The following DAP3 variants were observed in gnomAD, a reference collection of about 807,000 sequenced individuals.
The protein encoded by DAP3 is small ribosomal subunit protein mS29.
Under a neutral mutation model 51.9 loss-of-function variants are expected in DAP3, and 28 were observed. The observed-to-expected ratio is 0.54, with a 90% confidence interval of 0.40 to 0.74. The LOEUF is 0.74. DAP3 is among the 30% of genes least tolerant of loss of function. DAP3 has a pLI of 0.00. For synonymous variants in DAP3, 170 were observed against 170.3 expected (o/e 1.00, Z 0.01); for missense variants, 458 against 483.5 (o/e 0.95, Z 0.49).
At chr1:155,719,034 C>T (rs1240645247) in intron 3 of DAP3, among the ~76,000 whole-genome samples, 1 of 152,098 alleles carries the variant, frequency 6.6e-6, no homozygotes, top group Non-Finnish European at 1.5e-5. Context: ...CAATTGGCTT[C>T]ATTATTTGGG....
chr1:155,729,149 A>T (rs201265692), intron 8 of DAP3, 27 bp downstream of exon 8: 18 of 1,614,062 alleles, frequency 1.1e-5, no homozygotes, highest in Middle Eastern at 1.6e-4. Flanking sequence ...TGAATGTGTA[A>T]CATGCGATAA....
In DAP3 at chr1:155,721,625, A is replaced by G; in HGVS notation, c.270+7A>G. 1.2e-6 allele frequency: 2 copies of G among 1,613,986 alleles called. No homozygotes were observed. Among genetic ancestry groups the G allele is most frequent in the Non-Finnish European group, 1.7e-6 (2 of 1,179,918 alleles). On this transcript the variant is annotated splice_region_variant and intron_variant, in intron 4 of 12. Transcript: ENST00000368336. ...TCCTCGCTTTGTGATGCAGGTGCTCAAGACAGGGAATGGAATTGGAGGGAG... is the reference window on the plus strand; with the variant it reads ...TCCTCGCTTTGTGATGCAGGTGCTCGAGACAGGGAATGGAATTGGAGGGAG...
rs1359331453 is a variant in DAP3, at chr1:155,689,109, C to CT, written c.-70dup. 1 of 1,234,930 alleles carries CT rather than the reference C, an allele frequency of 8.1e-7. No homozygotes were observed. The highest frequency in any genetic ancestry group is 1.1e-6 in the Non-Finnish European group (1 of 878,616). 76.5% of individuals were successfully genotyped at this position (1,234,930 alleles called of 1,614,324 possible). A position where few individuals can be genotyped will look rare whatever the true frequency, so the allele number is the denominator to read the frequency against. ...CTTTTTTGCAGTCTCAGGACGGGCG[C>CT]TTTGGAGCCGGCCCCAGGCAGCGTG... On this transcript the variant is annotated 5_prime_UTR_variant, in exon 1 of 13. Coordinates refer to ENST00000368336, the MANE Select transcript of DAP3 (RefSeq NM_004632.4).
In DAP3 at chr1:155,725,424, G is replaced by A. The variant is rs1658460851; in HGVS notation, c.313G>A (p.Ala105Thr). 1.9e-6 allele frequency: 3 copies of A among 1,614,046 alleles called. No homozygotes were observed. The highest frequency in any genetic ancestry group is 2.2e-5 in the East Asian group (1 of 44,888). The stretch of plus-strand genomic sequence containing the variant: ...AGCTTGCCTGATGGTAAGGAAACCA[G>A]CCCTAGAACTTCTGCATTACCTGAA... The part of the protein sequence containing the change: ...SEACLMVRKP[A>T]LELLHYLKNT... Residue 105 changes from alanine (A) to threonine (T), a missense_variant, in exon 5 of 13, where the codon GCC becomes ACC. Transcript: ENST00000368336.
rs532334569 is a variant in DAP3, at chr1:155,717,152, G to T, written c.168+24G>T. 1.1e-5 allele frequency: 18 copies of T among 1,606,866 alleles called. No homozygotes were observed. The East Asian group carries it at 3.1e-4, about 28-fold the overall frequency. On this transcript the variant is annotated intron_variant, in intron 3 of 12. Transcript: ENST00000368336. Reference sequence around the variant, plus strand: ...CGGTGAGTTACTAATATGTATATGGGGTTTCTCAGGGCTTATGATTTGTGT... The same window carrying T: ...CGGTGAGTTACTAATATGTATATGGTGTTTCTCAGGGCTTATGATTTGTGT...
intron 3 of DAP3, 109 bp from the exon 4 acceptor site, chr1:155,721,408 A>G (rs975242710): frequency 1.7e-5 from 9 of 516,928 alleles, no homozygotes; most frequent in Non-Finnish European, 2.0e-5. Flanking sequence ...ATGTATATAT[A>G]TATATATATA....
At chr1:155,692,938 G>C (rs919958631) in intron 1 of DAP3, among the ~76,000 whole-genome samples, 3 of 141,984 alleles carry the variant, frequency 2.1e-5, no homozygotes, top group Non-Finnish European at 4.4e-5. Context: ...ATATTCTGCA[G>C]TTTGAACAGA....
Position 155,727,598 on chromosome 1 carries a change from T to G in DAP3, c.473-10T>G. On this transcript the variant is annotated splice_polypyrimidine_tract_variant and intron_variant, in intron 6 of 12. Transcript: ENST00000368336. ...CCTGGCTTGTTTTCTTCTGCCTCTT[T>G]TTTTTAAAGCTCATCTTTGGGTGAA... The G allele has an allele frequency of 6.2e-7, 1 of 1,609,754 alleles. No homozygotes were observed. Among genetic ancestry groups the G allele is most frequent in the Non-Finnish European group, 8.5e-7 (1 of 1,178,294 alleles).
chr1:155,727,830 G>A (rs1658780159), intron 7 of DAP3, 92 bp downstream of exon 7: 1 of 1,347,660 alleles, frequency 7.4e-7, no homozygotes, highest in African/African-American at 1.5e-5. Flanking sequence ...ACTGATACTG[G>A]AGTTGGAATA....
chr1:155,710,136 T>C, intron 2 of DAP3: 1 of 228,110 alleles, frequency 4.4e-6, no homozygotes, highest in Non-Finnish European at 8.4e-6. Flanking sequence ...CTTTAGCATC[T>C]AAAATAGAAT....
At chr1:155,717,626 A>G (rs1657486849) in intron 3 of DAP3, among the ~76,000 whole-genome samples, 1 of 152,218 alleles carries the variant, frequency 6.6e-6, no homozygotes, top group Admixed American at 6.6e-5. Context: ...GTGCCCAGCC[A>G]TAACTTAACA....
At chr1:155,736,874 C>A in intron 11 of DAP3, 72 bp from the exon 12 acceptor site, 1 of 1,227,632 alleles carries the variant, frequency 8.1e-7, no homozygotes, top group Non-Finnish European at 1.2e-6. Context: ...CTTCAAAGTG[C>A]TTAAGTAGAG....
chr1:155,700,805 C>T (rs1184985134), intron 1 of DAP3, among the ~76,000 whole-genome samples: 2 of 129,126 alleles, frequency 1.5e-5, no homozygotes, highest in Non-Finnish European at 1.7e-5. Context: ...TGCCTCTGCC[C>T]GGCCGCCCCT....
intron 1 of DAP3, among the ~76,000 whole-genome samples, chr1:155,702,305 T>C (rs1655398053): frequency 7.0e-6 from 1 of 143,070 alleles, no homozygotes; most frequent in Non-Finnish European, 1.5e-5. Context: ...CCGTCTCTAC[T>C]AAAAAAAATA....
At chr1:155,716,554 C>T (rs904001743) in intron 2 of DAP3, among the ~76,000 whole-genome samples, 1 of 151,188 alleles carries the variant, frequency 6.6e-6, no homozygotes, top group African/African-American at 2.4e-5. Context: ...GCCTGGGCGA[C>T]AGAGTGAGAC....
chr1:155,699,663 G>A (rs1654939987), intron 1 of DAP3, among the ~76,000 whole-genome samples: 3 of 151,984 alleles, frequency 2.0e-5, no homozygotes, highest in Non-Finnish European at 4.4e-5. Flanking sequence ...ACCTGGGCTG[G>A]AGTGCAGTGG....
At chr1:155,726,525 C>T (rs1343255371) in intron 6 of DAP3, among the ~76,000 whole-genome samples, 2 of 151,988 alleles carry the variant, frequency 1.3e-5, no homozygotes, top group Non-Finnish European at 2.9e-5. Flanking sequence ...CTCCTGACTT[C>T]AGGTGATCCA....
intron 11 of DAP3, among the ~76,000 whole-genome samples, chr1:155,735,158 A>G (rs1161737864): frequency 1.3e-5 from 2 of 151,370 alleles, no homozygotes; most frequent in Admixed American, 1.3e-4. Flanking sequence ...TGGGGCGCCT[A>G]TAGTCCCAGA....
At chr1:155,688,354 C>A, upstream of DAP3, 1 of 1,547,782 alleles carries the variant, frequency 6.5e-7, no homozygotes, top group South Asian at 1.2e-5. Flanking sequence ...GTGGCCGCGG[C>A]AGCTCCTCCA....
Sources: gnomAD v4.1 joint callset for allele counts (sites outside exome capture counted in the v4.1 genomes callset) on GRCh38, gnomAD v4.1.1 for gene constraint, MANE v1.5 for transcripts, NCBI Gene and HGNC (gene_info 2026-07-23, HGNC 2026-07-21) for gene names.